Variants in NXPE2 observed in about 807,000 individuals in gnomAD.
The protein encoded by NXPE2 is NXPE family member 2.
A neutral mutation model predicts 34.4 loss-of-function variants in NXPE2; 34 were observed. The ratio of observed to expected loss-of-function variants is 0.99; its 90% confidence interval spans 0.75 to 1.31. The LOEUF is 1.31. NXPE2 is among the 40% of genes most tolerant of loss of function. NXPE2 has a pLI of 0.00. For synonymous variants in NXPE2, 235 were observed against 231.3 expected, an observed-to-expected ratio of 1.02 and a Z score of -0.15; for missense variants, 649 against 672.5, an observed-to-expected ratio of 0.97 and a Z score of 0.39.
At chr11:114,758,635 C>T in the NXPE2 span, among the ~76,000 whole-genome samples, 1 of 152,094 alleles carries the variant, frequency 6.6e-6, no homozygotes, top group Non-Finnish European at 1.5e-5. Flanking sequence ...GGGCTAGAAT[C>T]AGAGGAGAAT....
At chr11:114,617,300 C>G in the NXPE2 span, among the ~76,000 whole-genome samples, 1 of 137,414 alleles carries the variant, frequency 7.3e-6, no homozygotes, top group African/African-American at 2.7e-5. Flanking sequence ...CATTACCCAC[C>G]AGATACTAAG....
chr11:114,479,743 G>A, the NXPE2 span, among the ~76,000 whole-genome samples: 1 of 152,230 alleles, frequency 6.6e-6, no homozygotes, highest in East Asian at 1.9e-4. Flanking sequence ...GGCAATTGGA[G>A]GGCAATGGAT....
At chr11:114,643,078 A>T in the NXPE2 span, among the ~76,000 whole-genome samples, 1 of 152,078 alleles carries the variant, frequency 6.6e-6, no homozygotes, top group African/African-American at 2.4e-5. Flanking sequence ...GTGTCCATTC[A>T]TATCCTTTGC....
the NXPE2 span, among the ~76,000 whole-genome samples, chr11:114,616,616 CCA>C: frequency 7.1e-6 from 1 of 139,956 alleles, no homozygotes; most frequent in East Asian, 1.9e-4. Context: ...TCATGGGTAA[CCA>C]CAGTTACCCA....
intron 2 of NXPE2, among the ~76,000 whole-genome samples, chr11:114,696,486 G>A (rs1384761747): frequency 6.6e-6 from 1 of 151,922 alleles, no homozygotes; most frequent in African/African-American, 2.4e-5. Flanking sequence ...ATGCTTGTAT[G>A]AATTTATTAA....
At chr11:114,634,085 TA>T in the NXPE2 span, among the ~76,000 whole-genome samples, 2 of 151,648 alleles carry the variant, frequency 1.3e-5, 1 homozygote, top group Non-Finnish European at 2.9e-5. Flanking sequence ...ACCAACAGTG[TA>T]AAAGTGTTCC....
chr11:114,713,552 C>G, the NXPE2 span, among the ~76,000 whole-genome samples: 1 of 152,006 alleles, frequency 6.6e-6, no homozygotes, highest in African/African-American at 2.4e-5. Flanking sequence ...GGTTTAACAT[C>G]CTGCAAATAT....
chr11:114,511,982 T>C, the NXPE2 span, among the ~76,000 whole-genome samples: 1 of 152,208 alleles, frequency 6.6e-6, no homozygotes, highest in East Asian at 1.9e-4. Flanking sequence ...TTACCCACTC[T>C]TGGGTATTCC....
Position 114,705,938 on chromosome 11 carries a change from T to C in NXPE2, c.1086T>C (p.Tyr362=). ...ACTGCTTGGAAAGAAAACTTATTTATCTCATGGGAGATTCAACACTGCATC... is the reference window on the plus strand; with the variant it reads ...ACTGCTTGGAAAGAAAACTTATTTACCTCATGGGAGATTCAACACTGCATC... The part of the protein sequence containing the change: ...INDCLERKLI[Y]LMGDSTLHQW... The change falls in exon 5 of 6, where the codon TAT becomes TAC. Residue 362 remains tyrosine (Y), a synonymous_variant. Transcript: ENST00000389586. The C allele has an allele frequency of 6.5e-7, 1 of 1,538,858 alleles. No homozygotes were observed. The highest frequency in any genetic ancestry group is 1.2e-5 in the South Asian group (1 of 81,692).
chr11:114,530,126 G>A, the NXPE2 span: 1 of 1,530,242 alleles, frequency 6.5e-7, no homozygotes, highest in Non-Finnish European at 8.8e-7. Context: ...GCTCTGACTG[G>A]GGCACTTCTC....
the NXPE2 span, among the ~76,000 whole-genome samples, chr11:114,489,804 C>G: frequency 0.26 from 39,032 of 151,962 alleles, 5,163 homozygotes; most frequent in East Asian, 0.37. Context: ...GCACAAGACA[C>G]GGATGCCCTC....
chr11:114,517,288 T>C, the NXPE2 span, among the ~76,000 whole-genome samples: 1 of 152,122 alleles, frequency 6.6e-6, no homozygotes, highest in Non-Finnish European at 1.5e-5. Context: ...TTAGATTATT[T>C]GTCCCTTCCC....
the NXPE2 span, among the ~76,000 whole-genome samples, chr11:114,744,925 A>C: frequency 5.3e-5 from 8 of 152,364 alleles, no homozygotes; most frequent in East Asian, 1.5e-3. Context: ...AATAATTAAG[A>C]ATTTAAAAAT....
At chr11:114,630,460 G>A in the NXPE2 span, among the ~76,000 whole-genome samples, 8 of 151,652 alleles carry the variant, frequency 5.3e-5, no homozygotes, top group East Asian at 9.7e-4. Flanking sequence ...TGGGAAAACT[G>A]GCTAGCCATA....
chr11:114,813,307 G>A, the NXPE2 span, among the ~76,000 whole-genome samples: 1 of 152,192 alleles, frequency 6.6e-6, no homozygotes, highest in East Asian at 1.9e-4. Context: ...GCTGCTCCCA[G>A]CTTCCTCCTT....
At chr11:114,705,279 G>C (rs977560848) in intron 4 of NXPE2, among the ~76,000 whole-genome samples, 2 of 152,190 alleles carry the variant, frequency 1.3e-5, no homozygotes, top group Non-Finnish European at 2.9e-5. Context: ...TTTAAAAAAA[G>C]TATTAGCCAG....
At chr11:114,475,909 C>A in the NXPE2 span, among the ~76,000 whole-genome samples, 3 of 152,184 alleles carry the variant, frequency 2.0e-5, no homozygotes, top group Non-Finnish European at 4.4e-5. Flanking sequence ...GAATAACACA[C>A]ACACACAGTA....
At chr11:114,788,246 C>T in the NXPE2 span, among the ~76,000 whole-genome samples, 1 of 152,194 alleles carries the variant, frequency 6.6e-6, no homozygotes, top group Admixed American at 6.5e-5. Context: ...TGTGGCAGAG[C>T]TGAGCTTATT....
chr11:114,638,496 C>T, the NXPE2 span, among the ~76,000 whole-genome samples: 1 of 152,008 alleles, frequency 6.6e-6, no homozygotes, highest in Non-Finnish European at 1.5e-5. Context: ...AACTTTGTTC[C>T]ATTGCTGGTG....
Sources: allele counts gnomAD v4.1 joint callset (sites outside exome capture counted in the v4.1 genomes callset), GRCh38; gene constraint gnomAD v4.1.1; transcripts MANE v1.5; gene names NCBI Gene and HGNC (gene_info 2026-07-23, HGNC 2026-07-21).